Variants in IGLON5 observed in about 807,000 individuals in gnomAD.
IGLON5 encodes the protein Ig-like domain-containing protein ENSP00000270642.
Under a neutral mutation model 38.2 loss-of-function variants are expected in IGLON5, and 16 were observed. The observed-to-expected ratio is 0.42, with a 90% CI of 0.28 to 0.64. The LOEUF is 0.64. Ranked by LOEUF, IGLON5 falls within the 30% of genes least tolerant of loss-of-function variation. The pLI, the probability that IGLON5 is intolerant of heterozygous loss-of-function variation, is 0.23. For synonymous variants in IGLON5, 207 were observed against 216.4 expected (o/e 0.96, Z 0.38); for missense variants, 366 against 483.4 (o/e 0.76, Z 2.28).
chr19:51,321,478 C>T (rs1158055771), intron 1 of IGLON5, among the ~76,000 whole-genome samples: 3 of 152,060 alleles, frequency 2.0e-5, no homozygotes, highest in African/African-American at 7.2e-5. Context: ...CGCACCTGGC[C>T]GTATCTATGT....
chr19:51,317,347 A>G (rs770919221), intron 1 of IGLON5, among the ~76,000 whole-genome samples: 1 of 151,846 alleles, frequency 6.6e-6, no homozygotes, highest in Non-Finnish European at 1.5e-5. Context: ...GCACTGTACT[A>G]GAACCTTTAC....
chr19:51,318,235 C>T, intron 1 of IGLON5, among the ~76,000 whole-genome samples: 1 of 152,180 alleles, frequency 6.6e-6, no homozygotes, highest in East Asian at 1.9e-4. Flanking sequence ...TTCATCCATT[C>T]AACAAATATT....
rs1985248161 is a variant in IGLON5, at chr19:51,327,555, C to G, written c.768-177C>G. Among the ~76,000 whole-genome samples, 1 of 151,862 alleles carries G rather than the reference C, an allele frequency of 6.6e-6. No individual in the cohort carries two copies. The highest frequency in any genetic ancestry group is 2.4e-5 in the African/African-American group (1 of 41,334). On this transcript the variant is annotated intron_variant, in intron 6 of 7. Coordinates refer to ENST00000270642, the MANE Select transcript of IGLON5 (RefSeq NM_001101372.3). The surrounding 1 kb of genome is among the most constrained non-coding windows in gnomAD (Gnocchi z 7.1). ...CCAGAGTCCTGAGAGGCCAGGGTGCCTGGAGGGGGGCGGCGGTGGGAGTGA... is the reference window on the plus strand; with the variant it reads ...CCAGAGTCCTGAGAGGCCAGGGTGCGTGGAGGGGGGCGGCGGTGGGAGTGA...
chr19:51,313,647 T>TTTTCTTTC (rs1555750477), intron 1 of IGLON5, among the ~76,000 whole-genome samples: 10,234 of 115,974 alleles, frequency 0.088, 649 homozygotes, highest in East Asian at 0.13. Context: ...CTCTCTCTCT[T>TTTTCTTTC]TTTCTTTCTT....
At chr19:51,322,260 C>T in intron 2 of IGLON5, 118 bp downstream of exon 2, 3 of 788,924 alleles carry the variant, frequency 3.8e-6, no homozygotes, top group East Asian at 2.6e-5. Flanking sequence ...GACTTGGGCT[C>T]CACATTCCCC....
chr19:51,311,800 C>T lies in IGLON5; in HGVS notation c.-48C>T, dbSNP rs1984768317. The T allele has an allele frequency of 5.1e-6, 2 of 391,026 alleles. No individual in the cohort carries two copies. Among genetic ancestry groups the T allele is most frequent in the Non-Finnish European group, 8.2e-6 (2 of 242,438 alleles). The allele number at this position is 391,026 out of a possible 1,614,324, so 24.2% of individuals were successfully genotyped here. On this transcript the variant is annotated 5_prime_UTR_variant, in exon 1 of 8. Transcript: ENST00000270642. ...CTCTCCCCCCAGGCCTCGCGCGCCC[C>T]GGACCGGCCCCCCCTTTCCCCTCCC... is the stretch of plus-strand genomic sequence containing the variant.
chr19:51,322,165 A>C, intron 2 of IGLON5, 23 bp downstream of exon 2: 1 of 1,579,576 alleles, frequency 6.3e-7, no homozygotes, highest in Non-Finnish European at 8.7e-7. Context: ...GTGGGTGGGG[A>C]CTCAGATCTC....
chr19:51,315,550 A>G (rs1017855816), intron 1 of IGLON5, among the ~76,000 whole-genome samples: 1 of 152,176 alleles, frequency 6.6e-6, no homozygotes, highest in Non-Finnish European at 1.5e-5. Context: ...AGACAAACAA[A>G]TAAAAGATAA....
intron 1 of IGLON5, 106 bp downstream of exon 1, chr19:51,312,032 C>T (rs912556160): frequency 2.4e-5 from 13 of 536,214 alleles, no homozygotes; most frequent in African/African-American, 4.0e-5. Context: ...TGGGCCGGCG[C>T]GGGGAGGCCC....
At position 51,330,159 on chromosome 19, in the gene IGLON5, A is replaced by T. The variant is rs1450815795; in HGVS notation, c.*1400A>T. 1 of 152,046 alleles carries T rather than the reference A, an allele frequency of 6.6e-6. No homozygotes were observed. Among genetic ancestry groups the T allele is most frequent in the African/African-American group, 2.4e-5 (1 of 41,320 alleles). 9.4% of individuals were successfully genotyped at this position (152,046 alleles called of 1,614,324 possible). A position where few individuals can be genotyped will look rare whatever the true frequency, so the allele number is the denominator to read the frequency against. ...CACCCAGAGTCTGGTGGAGAAAAGG[A>T]GAGGGCAAGGCGCAGTGACTGTACC... On this transcript the variant is annotated 3_prime_UTR_variant, in exon 8 of 8. Coordinates refer to ENST00000270642, the MANE Select transcript of IGLON5 (RefSeq NM_001101372.3).
rs567812434 is a variant in IGLON5 at position 51,326,828 on chromosome 19, G to A, written c.576G>A (p.Glu192=). 69 of 1,553,748 alleles carry A rather than the reference G, an allele frequency of 4.4e-5. No homozygotes were observed. The African/African-American group carries it at 8.7e-4, about 20-fold the overall frequency. The change falls in exon 5 of 8, where the codon GAG becomes GAA. Residue 192 remains glutamate (E), a synonymous_variant. Transcript: ENST00000270642. ...ISDIQRGQAG[E]YECVTHNGVN... The stretch of plus-strand genomic sequence containing the variant: ...ACATCCAGCGGGGCCAGGCCGGGGA[G>A]TATGAGTGCGTGACTCACAACGGGG...
intron 2 of IGLON5, 68 bp from the exon 3 acceptor site, chr19:51,323,593 AC>A (rs1985133099): frequency 1.5e-6 from 2 of 1,367,820 alleles, no homozygotes; most frequent in East Asian, 2.5e-5. Context: ...TCTCCCACCC[AC>A]CCCCTCGGTG....
intron 1 of IGLON5, among the ~76,000 whole-genome samples, chr19:51,313,945 C>T (rs539539788): frequency 6.6e-6 from 1 of 152,020 alleles, no homozygotes; most frequent in Non-Finnish European, 1.5e-5. Flanking sequence ...CCAGACTAGT[C>T]TCAAATTCCT....
intron 1 of IGLON5, among the ~76,000 whole-genome samples, chr19:51,312,748 C>CCCGG (rs993337648): frequency 1.4e-4 from 21 of 151,954 alleles, no homozygotes; most frequent in Non-Finnish European, 2.9e-5. Context: ...AAGGGTTAAC[C>CCCGG]CCGGCCCGGC....
chr19:51,315,116 A>G (rs1984885256), intron 1 of IGLON5, among the ~76,000 whole-genome samples: 1 of 151,486 alleles, frequency 6.6e-6, no homozygotes, highest in South Asian at 2.1e-4. Context: ...TTTTATGCCA[A>G]CACACACGCA....
intron 4 of IGLON5, among the ~76,000 whole-genome samples, chr19:51,326,237 C>T (rs1985213367): frequency 1.3e-5 from 2 of 152,116 alleles, no homozygotes; most frequent in South Asian, 2.1e-4. Context: ...CTGGTCTTGA[C>T]ATCTGGGAAT....
intron 4 of IGLON5, among the ~76,000 whole-genome samples, chr19:51,326,557 C>G (rs1985218994): frequency 1.3e-5 from 2 of 152,016 alleles, no homozygotes; most frequent in Admixed American, 1.3e-4. Context: ...GGAACTGAGT[C>G]CCAGACCTCA....
intron 1 of IGLON5, among the ~76,000 whole-genome samples, chr19:51,315,840 C>T (rs374966199): frequency 2.6e-5 from 4 of 151,836 alleles, no homozygotes; most frequent in South Asian, 4.2e-4. Flanking sequence ...GGACTACAGG[C>T]GCCCACCACC....
At chr19:51,316,480 T>C (rs1411382118) in intron 1 of IGLON5, among the ~76,000 whole-genome samples, 1 of 149,910 alleles carries the variant, frequency 6.7e-6, no homozygotes, top group African/African-American at 2.4e-5. Flanking sequence ...TTTCTTTGTT[T>C]TTCTTTTCTT....
Sources: allele counts gnomAD v4.1 joint callset (sites outside exome capture counted in the v4.1 genomes callset), GRCh38; gene constraint gnomAD v4.1.1; non-coding constraint Gnocchi (gnomAD v3.1); transcripts MANE v1.5; gene names NCBI Gene and HGNC (gene_info 2026-07-23, HGNC 2026-07-21).